ADGRG7: variants seen among roughly 807,000 people sequenced by gnomAD.
ADGRG7 encodes the protein G-protein coupled receptor 128.
ADGRG7 carries 82 observed loss-of-function variants against 88.6 expected under a neutral mutation model. The observed-to-expected ratio is 0.93, with a 90% CI of 0.77 to 1.11. The LOEUF is 1.11. Ranked by LOEUF, ADGRG7 falls within the 50% of genes most tolerant of loss-of-function variation. ADGRG7 has a pLI of 0.00. For missense variants in ADGRG7, 945 were observed against 953.4 expected, an observed-to-expected ratio of 0.99 and a Z score of 0.12; for synonymous variants, 381 against 345.2, an observed-to-expected ratio of 1.10 and a Z score of -1.15.
intron 8 of ADGRG7, among the ~76,000 whole-genome samples, chr3:100,643,922 G>T (rs1707691775): frequency 6.6e-6 from 1 of 152,164 alleles, no homozygotes; most frequent in South Asian, 2.1e-4. Flanking sequence ...TTGCTAAGGT[G>T]GTTCTGTTTT....
intron 15 of ADGRG7, among the ~76,000 whole-genome samples, chr3:100,680,787 C>T (rs563530261): frequency 6.6e-6 from 1 of 152,212 alleles, no homozygotes; most frequent in South Asian, 2.1e-4. Flanking sequence ...ATTACATCTG[C>T]ATACATTACA....
At chr3:100,623,753 A>C (rs1411174726) in intron 1 of ADGRG7, among the ~76,000 whole-genome samples, 2 of 151,110 alleles carry the variant, frequency 1.3e-5, no homozygotes, top group Non-Finnish European at 2.9e-5. Context: ...TCCTGTGTTC[A>C]TGTGTTCTCA....
intron 1 of ADGRG7, among the ~76,000 whole-genome samples, chr3:100,626,516 G>T (rs1707382636): frequency 1.3e-5 from 2 of 152,124 alleles, no homozygotes; most frequent in African/African-American, 2.4e-5. Flanking sequence ...GTCAGGCATG[G>T]TGGCTCATGC....
At chr3:100,654,573 A>G (rs2094934947) in intron 11 of ADGRG7, 2 of 295,002 alleles carry the variant, frequency 6.8e-6, no homozygotes, top group Non-Finnish European at 1.2e-5. Flanking sequence ...GAGATTAGCT[A>G]TCACTTTTGA....
intron 15 of ADGRG7, among the ~76,000 whole-genome samples, chr3:100,682,207 C>T (rs1340657141): frequency 2.6e-5 from 4 of 152,154 alleles, no homozygotes; most frequent in Non-Finnish European, 5.9e-5. Context: ...CCTGATGGGG[C>T]CGGACCCAGC....
rs779563648 is a variant in ADGRG7 at position 100,668,985 on chromosome 3, C to T, written c.2016C>T (p.Ser672=). Residue 672 remains serine (S), a synonymous_variant, in exon 15 of 16, where the codon AGC becomes AGT. Coordinates refer to ENST00000273352, the MANE Select transcript of ADGRG7 (RefSeq NM_032787.3). ...TTTCATCCATGAAGAAGATTGTTAG[C>T]ACATTATCTGTTGCAGTTGTTTTTG... is the stretch of plus-strand genomic sequence containing the variant. ...KKVSSMKKIV[S]TLSVAVVFGI... is the part of the protein sequence containing the mutation. 1.2e-6 allele frequency: 2 copies of T among 1,603,086 alleles called. No individual in the cohort carries two copies. The highest frequency in any genetic ancestry group is 1.7e-5 in the Admixed American group (1 of 58,180).
At chr3:100,619,561 G>A (rs1707278000) in intron 1 of ADGRG7, among the ~76,000 whole-genome samples, 1 of 152,080 alleles carries the variant, frequency 6.6e-6, no homozygotes, top group Admixed American at 6.5e-5. Context: ...TAAGATCAGA[G>A]CAGAACTGAA....
intron 3 of ADGRG7, among the ~76,000 whole-genome samples, chr3:100,632,979 A>G (rs549044348): frequency 1.8e-4 from 28 of 152,172 alleles, no homozygotes; most frequent in Non-Finnish European, 3.2e-4. Flanking sequence ...TATTGTTTCT[A>G]GTCTCTCAGC....
intron 15 of ADGRG7, among the ~76,000 whole-genome samples, chr3:100,686,771 T>G (rs2094983447): frequency 6.6e-6 from 1 of 152,352 alleles, no homozygotes; most frequent in South Asian, 2.1e-4. Flanking sequence ...CTGTTTTGAT[T>G]ACTGTAGCCT....
intron 15 of ADGRG7, among the ~76,000 whole-genome samples, chr3:100,685,040 A>C (rs1424583582): frequency 6.6e-6 from 1 of 152,076 alleles, no homozygotes; most frequent in African/African-American, 2.4e-5. Flanking sequence ...TCTTATGCTT[A>C]ACTCTATATT....
intron 1 of ADGRG7, among the ~76,000 whole-genome samples, chr3:100,628,589 C>T (rs1354515811): frequency 2.0e-5 from 3 of 152,128 alleles, no homozygotes; most frequent in African/African-American, 7.2e-5. Flanking sequence ...CTCCTGACCT[C>T]AAGTGATCCG....
chr3:100,675,769 A>G (rs773641323), intron 15 of ADGRG7, among the ~76,000 whole-genome samples: 45 of 152,086 alleles, frequency 3.0e-4, no homozygotes, highest in Non-Finnish European at 6.2e-4. Flanking sequence ...TTTTTATTAC[A>G]GCTTCTGTCT....
At chr3:100,647,793 A>G (rs542376620) in intron 10 of ADGRG7, among the ~76,000 whole-genome samples, 1 of 152,192 alleles carries the variant, frequency 6.6e-6, no homozygotes, top group African/African-American at 2.4e-5. Flanking sequence ...TCTCCTTAGT[A>G]AGGGACTATT....
intron 1 of ADGRG7, among the ~76,000 whole-genome samples, chr3:100,621,250 A>G (rs1707307868): frequency 6.6e-6 from 1 of 152,162 alleles, no homozygotes; most frequent in East Asian, 1.9e-4. Context: ...GAAGAGTTGC[A>G]TGTCTCTCAC....
intron 15 of ADGRG7, among the ~76,000 whole-genome samples, chr3:100,688,342 G>T (rs1382998090): frequency 6.6e-6 from 1 of 152,050 alleles, no homozygotes; most frequent in Non-Finnish European, 1.5e-5. Flanking sequence ...TGGATTCATT[G>T]ATTTTTTGAA....
chr3:100,680,499 T>C (rs2094971505), intron 15 of ADGRG7, among the ~76,000 whole-genome samples: 1 of 152,164 alleles, frequency 6.6e-6, no homozygotes, highest in Non-Finnish European at 1.5e-5. Context: ...TTCCTATTTG[T>C]TTTCTGTGGC....
In ADGRG7 at chr3:100,682,450, A is replaced by G. The variant is rs560198153; in HGVS notation, c.2137-12294A>G. Among the ~76,000 whole-genome samples the G allele has an allele frequency of 2.0e-3, 304 of 152,300 alleles. 2 individuals are homozygous for G. The highest frequency in any genetic ancestry group is 3.2e-3 in the Non-Finnish European group (215 of 67,992). On this transcript the variant is annotated intron_variant, in intron 15 of 15. Coordinates refer to ENST00000273352, the MANE Select transcript of ADGRG7 (RefSeq NM_032787.3). ...CCGCGCCCAACCCGCCGACGGCGCC[A>G]AGTTCCTGCGCCTGGGGAACAGTCT...
At chr3:100,689,045 G>A (rs7373464) in intron 15 of ADGRG7, among the ~76,000 whole-genome samples, 40,992 of 152,020 alleles carry the variant, frequency 0.27, 5,976 homozygotes, top group East Asian at 0.53. Context: ...AACTTGCTTT[G>A]TGAATCTGGG....
intron 15 of ADGRG7, among the ~76,000 whole-genome samples, chr3:100,683,035 C>A (rs897839640): frequency 3.3e-5 from 5 of 152,142 alleles, no homozygotes; most frequent in African/African-American, 1.2e-4. Flanking sequence ...TAGTGAAGAG[C>A]TACTGTCTCT....
Sources: allele counts gnomAD v4.1 joint callset (sites outside exome capture counted in the v4.1 genomes callset), GRCh38; gene constraint gnomAD v4.1.1; transcripts MANE v1.5; gene names NCBI Gene and HGNC (gene_info 2026-07-23, HGNC 2026-07-21).